The following FMN1 variants were observed in gnomAD, a reference collection of about 807,000 sequenced individuals.
FMN1 encodes the protein formin-1.
FMN1 carries 110 observed loss-of-function variants against 132.4 expected under a neutral mutation model. The ratio of observed to expected loss-of-function variants is 0.83; its 90% confidence interval spans 0.71 to 0.97. The LOEUF (loss-of-function observed/expected upper bound fraction) is 0.97. FMN1 is among the 50% of genes least tolerant of loss of function. The pLI is 0.00. For synonymous variants in FMN1, 722 were observed against 651.7 expected, an observed-to-expected ratio of 1.11 and a Z score of -1.64; for missense variants, 1,792 against 1,705.3, an observed-to-expected ratio of 1.05 and a Z score of -0.90.
Position 32,766,146 on chromosome 15 carries a change from T to C in FMN1, c.*8164A>G, listed in dbSNP as rs1405977096. On this transcript the variant is annotated 3_prime_UTR_variant, in exon 21 of 21. Coordinates refer to ENST00000616417, the MANE Select transcript of FMN1 (RefSeq NM_001277313.2). ...TCTACAGACTGGTCTAATACTTAATTAAACAGAAAAGCCTATGTTTTACCA... is the reference window on the plus strand; with the variant it reads ...TCTACAGACTGGTCTAATACTTAATCAAACAGAAAAGCCTATGTTTTACCA... 6.6e-6 allele frequency: 1 copy of C among 151,938 alleles called. No homozygotes were observed. The highest frequency in any genetic ancestry group is 2.4e-5 in the African/African-American group (1 of 41,222). The allele number at this position is 151,938 out of a possible 1,614,324, so 9.4% of individuals were successfully genotyped here. A position where few individuals can be genotyped will look rare whatever the true frequency, so the allele number is the denominator to read the frequency against.
chr15:33,008,376 T>A (rs2034529377), intron 6 of FMN1, among the ~76,000 whole-genome samples: 1 of 152,140 alleles, frequency 6.6e-6, no homozygotes, highest in Non-Finnish European at 1.5e-5. Context: ...GGAGTTTGTA[T>A]TTAAGGAGTT....
chr15:33,145,906 T>G (rs1964198034), intron 4 of FMN1, among the ~76,000 whole-genome samples: 1 of 152,100 alleles, frequency 6.6e-6, no homozygotes, highest in Non-Finnish European at 1.5e-5. Context: ...CTTGAACGTT[T>G]TAGAAAAAAT....
intron 16 of FMN1, among the ~76,000 whole-genome samples, chr15:32,874,868 G>T (rs1302853957): frequency 2.6e-5 from 4 of 152,090 alleles, no homozygotes; most frequent in Non-Finnish European, 5.9e-5. Flanking sequence ...CCGGAGATTT[G>T]ATGACACTTT....
chr15:32,969,138 G>A lies in FMN1; in HGVS notation c.2563C>T (p.Gln855Ter). The A allele has an allele frequency of 1.2e-6, 2 of 1,613,898 alleles. No homozygotes were observed. The highest frequency in any genetic ancestry group is 2.2e-5 in the South Asian group (2 of 91,072). Residue 855 changes from glutamine to a stop codon, truncating the protein, a stop_gained, in exon 8 of 21, where the codon CAG becomes TAG. Transcript: ENST00000616417. LOFTEE classifies it high-confidence loss of function. ...NDHKDIHAALQPMEGMASNQQ... is the reference protein window; with the variant it reads ...NDHKDIHAAL ...TTTGATGCCATGCCCTCCATTGGCT[G>A]GAGTGCTGCATGGATGTCTTTGTGG...
chr15:32,867,168 CCTCT>C (rs879326926), intron 16 of FMN1, among the ~76,000 whole-genome samples: 13 of 152,212 alleles, frequency 8.5e-5, no homozygotes, highest in Non-Finnish European at 8.8e-5. Context: ...ATCCACCCTG[CCTCT>C]CTCTGATTTG....
Position 33,026,773 on chromosome 15 carries a change from G to A in FMN1, c.2162-18698C>T, listed in dbSNP as rs187113592. On this transcript the variant is annotated intron_variant, in intron 6 of 20. Coordinates refer to ENST00000616417, the MANE Select transcript of FMN1 (RefSeq NM_001277313.2). ...GGTGAAAGTCAGCCAGATTTAACTC[G>A]ACAGAGAGTGGAATTTTCTAGTAAA... is the stretch of plus-strand genomic sequence containing the variant. Among the ~76,000 whole-genome samples, 122 of 152,210 alleles carry A rather than the reference G, an allele frequency of 8.0e-4. 1 individual carries two copies. The highest frequency in any genetic ancestry group is 2.8e-3 in the African/African-American group (115 of 41,528).
At chr15:32,936,788 AG>A (rs1338790721) in intron 9 of FMN1, among the ~76,000 whole-genome samples, 1 of 152,166 alleles carries the variant, frequency 6.6e-6, no homozygotes, top group Admixed American at 6.5e-5. Flanking sequence ...CAGAGGAAGA[AG>A]AAAAAACAGT....
intron 9 of FMN1, among the ~76,000 whole-genome samples, chr15:32,944,349 A>G (rs911588587): frequency 2.0e-5 from 3 of 152,178 alleles, no homozygotes; most frequent in African/African-American, 7.2e-5. Context: ...GTGGTGCAAA[A>G]CAGCTCTTGC....
At chr15:32,983,520 C>G (rs1183213041) in intron 7 of FMN1, among the ~76,000 whole-genome samples, 1 of 152,004 alleles carries the variant, frequency 6.6e-6, no homozygotes, top group Non-Finnish European at 1.5e-5. Flanking sequence ...AATTATATCT[C>G]ATCGAAAAAA....
chr15:33,115,622 A>C (rs932454829), intron 4 of FMN1, among the ~76,000 whole-genome samples: 1 of 151,356 alleles, frequency 6.6e-6, no homozygotes, highest in African/African-American at 2.4e-5. Context: ...TACACTGAGC[A>C]CCTGAAATCC....
chr15:32,888,554 G>A (rs1262928577), intron 15 of FMN1, among the ~76,000 whole-genome samples: 4 of 152,174 alleles, frequency 2.6e-5, no homozygotes, highest in Non-Finnish European at 5.9e-5. Context: ...GAATCAAAGA[G>A]AAAATTGTCA....
chr15:32,855,317 G>T (rs1483082743), intron 17 of FMN1, among the ~76,000 whole-genome samples: 1 of 152,098 alleles, frequency 6.6e-6, no homozygotes, highest in African/African-American at 2.4e-5. Context: ...GAGAACCACT[G>T]TTTTAGGACT....
intron 17 of FMN1, among the ~76,000 whole-genome samples, chr15:32,854,876 T>C (rs1435596965): frequency 6.7e-6 from 1 of 150,126 alleles, no homozygotes; most frequent in Non-Finnish European, 1.5e-5. Flanking sequence ...ATCGCACCAC[T>C]GCACTCCAGC....
intron 3 of FMN1, among the ~76,000 whole-genome samples, chr15:33,166,789 GTAAAA>G (rs1566963307): frequency 6.6e-6 from 1 of 152,098 alleles, no homozygotes; most frequent in East Asian, 1.9e-4. Context: ...AATGCACTTC[GTAAAA>G]TACCAGTGAC....
chr15:32,927,802 A>G (rs2061000352), intron 9 of FMN1, among the ~76,000 whole-genome samples: 1 of 152,216 alleles, frequency 6.6e-6, no homozygotes, highest in African/African-American at 2.4e-5. Context: ...AAGCACCCAC[A>G]AAACACAAAT....
chr15:33,114,389 A>AT (rs2039831345), intron 4 of FMN1, among the ~76,000 whole-genome samples: 1 of 152,230 alleles, frequency 6.6e-6, no homozygotes. Context: ...CTAAACATAA[A>AT]TATATGCAGA....
chr15:33,191,517 C>T (rs865885063), intron 2 of FMN1, among the ~76,000 whole-genome samples: 8 of 152,350 alleles, frequency 5.3e-5, no homozygotes, highest in South Asian at 4.1e-4. Context: ...CATCCTCAAA[C>T]ATGCACTAAG....
chr15:32,977,503 C>G (rs2032306055), intron 7 of FMN1, among the ~76,000 whole-genome samples: 1 of 152,152 alleles, frequency 6.6e-6, no homozygotes. Flanking sequence ...GACTTGAGTT[C>G]TATTCCTGGT....
At chr15:32,848,048 A>C (rs577573973) in intron 17 of FMN1, among the ~76,000 whole-genome samples, 1 of 152,184 alleles carries the variant, frequency 6.6e-6, no homozygotes, top group Non-Finnish European at 1.5e-5. Context: ...TGGCATATTC[A>C]TAAAAGTGTA....
Sources: allele counts gnomAD v4.1 joint callset (sites outside exome capture counted in the v4.1 genomes callset), GRCh38; gene constraint gnomAD v4.1.1; transcripts MANE v1.5; gene names NCBI Gene and HGNC (gene_info 2026-07-23, HGNC 2026-07-21).